Variants in KAZN observed in about 807,000 individuals in gnomAD.
KAZN encodes kazrin, periplakin interacting protein.
KAZN carries 40 observed loss-of-function variants against 87.4 expected under a neutral mutation model. The observed-to-expected ratio is 0.46, with a 90% CI of 0.36 to 0.60. KAZN has a LOEUF of 0.60. Ranked by LOEUF, KAZN falls within the 20% of genes least tolerant of loss-of-function variation. The pLI, the probability that KAZN is intolerant of heterozygous loss-of-function variation, is 0.00. For missense variants in KAZN, 898 were observed against 1,073.9 expected, an observed-to-expected ratio of 0.84 and a Z score of 2.29; for synonymous variants, 466 against 458.3, an observed-to-expected ratio of 1.02 and a Z score of -0.22.
At chr1:14,775,105 G>A (rs942880177) in intron 1 of KAZN, among the ~76,000 whole-genome samples, 9 of 152,302 alleles carry the variant, frequency 5.9e-5, no homozygotes, top group African/African-American at 2.2e-4. Context: ...AATAGACAGT[G>A]CTTGGTGCAT....
At chr1:13,960,885 G>A (rs546984520) in intron 1 of KAZN, among the ~76,000 whole-genome samples, 38 of 152,294 alleles carry the variant, frequency 2.5e-4, no homozygotes, top group Admixed American at 9.2e-4. Context: ...AGGGGGCTGT[G>A]TGGCTCTGTC....
At chr1:13,975,775 G>C (rs1638325417) in intron 1 of KAZN, among the ~76,000 whole-genome samples, 1 of 152,144 alleles carries the variant, frequency 6.6e-6, no homozygotes, top group African/African-American at 2.4e-5. Context: ...TTGTGGTCCT[G>C]GCACATTGAT....
chr1:14,934,330 C>A (rs1018110635), intron 1 of KAZN, among the ~76,000 whole-genome samples: 1 of 151,794 alleles, frequency 6.6e-6, no homozygotes, highest in East Asian at 1.9e-4. Flanking sequence ...CTTCAGCCTC[C>A]CGAGTAGCTG....
intron 4 of KAZN, among the ~76,000 whole-genome samples, chr1:15,054,524 C>A (rs938019666): frequency 2.0e-5 from 3 of 151,806 alleles, no homozygotes; most frequent in Admixed American, 6.6e-5. Context: ...TGGTGGCAGG[C>A]GCCTGTAATC....
intron 10 of KAZN, among the ~76,000 whole-genome samples, chr1:15,100,946 G>A (rs142744670): frequency 3.0e-4 from 46 of 152,310 alleles, no homozygotes; most frequent in African/African-American, 1.1e-3. Context: ...CCCAGGCTTT[G>A]TGGGTCTCGG....
At chr1:14,555,755 C>T (rs1281257708) in intron 2 of KAZN, among the ~76,000 whole-genome samples, 1 of 152,224 alleles carries the variant, frequency 6.6e-6, no homozygotes, top group East Asian at 1.9e-4. Context: ...CCTGAGTCCA[C>T]CGTGCCTTAC....
chr1:14,850,531 A>G (rs571809243), intron 1 of KAZN, among the ~76,000 whole-genome samples: 1 of 152,328 alleles, frequency 6.6e-6, no homozygotes, highest in African/African-American at 2.4e-5. Flanking sequence ...TTACTCAGAT[A>G]ATAAGTACAG....
At chr1:14,534,601 C>T (rs1420563755) in intron 2 of KAZN, among the ~76,000 whole-genome samples, 1 of 152,046 alleles carries the variant, frequency 6.6e-6, no homozygotes, top group Non-Finnish European at 1.5e-5. Context: ...GCCGAGATCG[C>T]ACCACTGCAC....
intron 2 of KAZN, among the ~76,000 whole-genome samples, chr1:14,456,595 G>A (rs1341693512): frequency 1.3e-5 from 2 of 152,098 alleles, no homozygotes; most frequent in South Asian, 2.1e-4. Context: ...ATTGCTATGC[G>A]GCCTCCATAT....
intron 1 of KAZN, among the ~76,000 whole-genome samples, chr1:14,896,158 G>A (rs983577241): frequency 1.3e-5 from 2 of 150,610 alleles, no homozygotes; most frequent in South Asian, 2.1e-4. Context: ...GGGTTCAAGC[G>A]ATTCTCCTGC....
At chr1:14,316,471 G>A (rs1326744585) in intron 2 of KAZN, among the ~76,000 whole-genome samples, 1 of 151,760 alleles carries the variant, frequency 6.6e-6, no homozygotes, top group Non-Finnish European at 1.5e-5. Context: ...GATCAACCTA[G>A]CTAATGGTTT....
intron 2 of KAZN, among the ~76,000 whole-genome samples, chr1:14,183,493 A>G (rs1646241504): frequency 6.6e-6 from 1 of 152,068 alleles, no homozygotes; most frequent in African/African-American, 2.4e-5. Flanking sequence ...TGCCATTCAG[A>G]TCGCATTTGA....
chr1:13,972,401 T>C (rs995290136), intron 1 of KAZN, among the ~76,000 whole-genome samples: 1 of 151,684 alleles, frequency 6.6e-6, no homozygotes, highest in African/African-American at 2.4e-5. Flanking sequence ...TAAACAGAGA[T>C]GTGAAGATGC....
At chr1:14,910,722 C>A (rs1399595440) in intron 1 of KAZN, among the ~76,000 whole-genome samples, 5 of 152,136 alleles carry the variant, frequency 3.3e-5, no homozygotes, top group Admixed American at 6.5e-5. Flanking sequence ...TGAAGATGGC[C>A]GGCATGCTGA....
At chr1:14,979,244 A>G (rs918567496) in intron 2 of KAZN, among the ~76,000 whole-genome samples, 1 of 151,600 alleles carries the variant, frequency 6.6e-6, no homozygotes, top group Non-Finnish European at 1.5e-5. Flanking sequence ...CCCCGTCTCT[A>G]CTAAAAATGC....
In KAZN at chr1:14,369,385, G is replaced by GT. The variant is rs576002787; in HGVS notation, c.249+188796dup. ...CTTAAAGGATGTGCATGAGCCTATT[G>GT]TTTAAAATGCAGCCTCCACGAGAAA... On this transcript the variant is annotated intron_variant, in intron 2 of 16. Transcript: ENST00000636203. Among the ~76,000 whole-genome samples, 756 of 152,312 alleles carry GT rather than the reference G, an allele frequency of 5.0e-3. 5 individuals carry two copies. The highest frequency in any genetic ancestry group is 7.7e-3 in the Non-Finnish European group (526 of 68,026).
intron 1 of KAZN, among the ~76,000 whole-genome samples, chr1:14,158,191 C>G (rs1645636366): frequency 6.6e-6 from 1 of 152,154 alleles, no homozygotes; most frequent in South Asian, 2.1e-4. Flanking sequence ...AATAAACTTT[C>G]TACTCCTATC....
chr1:14,639,162 C>T (rs1680234906), intron 1 of KAZN, among the ~76,000 whole-genome samples: 1 of 152,182 alleles, frequency 6.6e-6, no homozygotes, highest in Non-Finnish European at 1.5e-5. Flanking sequence ...TCCATGGACC[C>T]CAGAGGCTGA....
intron 2 of KAZN, among the ~76,000 whole-genome samples, chr1:14,235,450 G>A (rs749064965): frequency 5.9e-5 from 9 of 152,268 alleles, no homozygotes; most frequent in Non-Finnish European, 7.4e-5. Flanking sequence ...GGTTGTCAGC[G>A]GAGGGGGGAT....
Sources: allele counts gnomAD v4.1 joint callset (sites outside exome capture counted in the v4.1 genomes callset), GRCh38; gene constraint gnomAD v4.1.1; transcripts MANE v1.5; gene names NCBI Gene and HGNC (gene_info 2026-07-23, HGNC 2026-07-21).